The following MBP variants were observed in gnomAD, a reference collection of about 807,000 sequenced individuals.
MBP encodes the protein Golli-MBP.
A neutral mutation model predicts 35.8 loss-of-function variants in MBP; 16 were observed. That is an observed-to-expected ratio of 0.45 (90% CI 0.30 to 0.68). MBP has a LOEUF of 0.68. Among genes scored for constraint, MBP ranks in the 30% least tolerant of loss-of-function variants. MBP has a pLI of 0.08. For synonymous variants in MBP, 143 were observed against 159.6 expected (o/e 0.90, Z 0.78); for missense variants, 380 against 404.7 (o/e 0.94, Z 0.52).
intron 3 of MBP, among the ~76,000 whole-genome samples, chr18:77,037,335 A>G: frequency 6.6e-6 from 1 of 151,788 alleles, no homozygotes; most frequent in South Asian, 2.1e-4. Flanking sequence ...CATTTTGGAG[A>G]CAGAGCTGAG....
At chr18:77,015,164 T>G in intron 4 of MBP, 2 of 985,002 alleles carry the variant, frequency 2.0e-6, no homozygotes, top group Non-Finnish European at 2.4e-6. Flanking sequence ...TATCAATGCT[T>G]TCACCATTTT....
chr18:77,124,280 A>G (rs1188012643), intron 1 of MBP, among the ~76,000 whole-genome samples: 1 of 152,206 alleles, frequency 6.6e-6, no homozygotes, highest in East Asian at 1.9e-4. Flanking sequence ...GTAAAATTAA[A>G]CAGGTAATTT....
chr18:76,997,876 G>A (rs1344909058), intron 4 of MBP, among the ~76,000 whole-genome samples: 3 of 151,962 alleles, frequency 2.0e-5, no homozygotes, highest in Non-Finnish European at 2.9e-5. Flanking sequence ...TAGAGACGGG[G>A]TTTCACTGTG....
intron 4 of MBP, among the ~76,000 whole-genome samples, chr18:76,997,872 C>G (rs181708473): frequency 3.3e-5 from 5 of 151,958 alleles, no homozygotes; most frequent in East Asian, 3.9e-4. Flanking sequence ...TTAGTAGAGA[C>G]GGGGTTTCAC....
intron 4 of MBP, chr18:77,009,788 GAGCTCAGGAAACGGCAGGTC>G (rs1971228208): frequency 1.4e-6 from 2 of 1,425,402 alleles, no homozygotes; most frequent in African/African-American, 2.9e-5. Context: ...CAGTGGCTGA[GAGCTCAGGAAACGGCAGGTC>G]ACCCCTGGCC....
In MBP at chr18:77,102,212, G is replaced by T. The variant is rs1002588816; in HGVS notation, c.51+2999C>A. On this transcript the variant is annotated intron_variant, in intron 2 of 8. Transcript: ENST00000355994. The surrounding 1 kb of genome is among the most constrained non-coding windows in gnomAD (Gnocchi z 4.4). ...CCGGGCAGTGGGGCAGAGGCAGTGT[G>T]TGGGGTAGACCGGGCAGCCCCCACC... is the stretch of plus-strand genomic sequence containing the variant. 3.3e-5 allele frequency among the ~76,000 whole-genome samples: 5 copies of T among 152,168 alleles called. No homozygotes were observed. The highest frequency in any genetic ancestry group is 1.2e-4 in the African/African-American group (5 of 41,430).
chr18:77,043,039 T>C (rs1054458593), intron 3 of MBP, among the ~76,000 whole-genome samples: 1 of 152,212 alleles, frequency 6.6e-6, no homozygotes, highest in African/African-American at 2.4e-5. Context: ...TAGATATACA[T>C]AGTTTTAGAA....
chr18:77,098,168 C>CTTTTTTTTTTTTTTTTTTTTTTTTT (rs3214873), intron 2 of MBP, among the ~76,000 whole-genome samples: 2 of 108,546 alleles, frequency 1.8e-5, no homozygotes, highest in East Asian at 3.2e-4. Context: ...CAAGGACTTC[C>CTTTTTTTTTTTTTTTTTTTTTTTTT]TTTTTTTTTT....
At position 77,016,959 on chromosome 18, in the gene MBP, G is replaced by T; in HGVS notation, c.449C>A (p.Ala150Asp). ...GGCATGGTCCATGGTACTTGCTGTG[G>T]CCAGGTACTTGGATCCGTGCCTCTG... The part of the protein sequence containing the change: ...PSQRHGSKYL[A>D]TASTMDHARH... Residue 150 changes from alanine (A) to aspartate (D), a missense_variant, in exon 4 of 9, where the codon GCC becomes GAC. Transcript: ENST00000355994. The T allele has an allele frequency of 2.5e-6, 4 of 1,614,108 alleles. No individual in the cohort carries two copies. The highest frequency in any genetic ancestry group is 2.5e-6 in the Non-Finnish European group (3 of 1,180,006).
At chr18:77,014,954 GT>G (rs1971546516) in intron 4 of MBP, 2 of 984,524 alleles carry the variant, frequency 2.0e-6, no homozygotes, top group South Asian at 4.7e-5. Context: ...TTTTGAAAGT[GT>G]TTTGATTTTT....
chr18:77,061,640 G>A lies in MBP; in HGVS notation c.139+4658C>T, dbSNP rs369876899. ...CTGGGCAGCTCAGAGTGAAACGGGC[G>A]GCTCCCTGCAGCCATTGTCACATGG... On this transcript the variant is annotated intron_variant, in intron 3 of 8. Coordinates refer to ENST00000355994, the MANE Select transcript of MBP (RefSeq NM_001025101.2). Among the ~76,000 whole-genome samples the A allele has an allele frequency of 7.2e-5, 11 of 152,290 alleles. No homozygotes were observed. The East Asian group carries it at 7.7e-4, about 11-fold the overall frequency.
chr18:77,104,786 C>T (rs1290954322), intron 2 of MBP, among the ~76,000 whole-genome samples: 3 of 152,292 alleles, frequency 2.0e-5, no homozygotes, highest in Non-Finnish European at 4.4e-5. Flanking sequence ...TTTACAATCT[C>T]TTTCCTCTCT....
At chr18:77,029,672 C>T (rs1972466755) in intron 3 of MBP, among the ~76,000 whole-genome samples, 1 of 152,076 alleles carries the variant, frequency 6.6e-6, no homozygotes, top group South Asian at 2.1e-4. Context: ...CACATTTTTA[C>T]CTTGGCTTTA....
At chr18:76,992,612 G>A (rs1415777854) in intron 4 of MBP, among the ~76,000 whole-genome samples, 1 of 152,174 alleles carries the variant, frequency 6.6e-6, no homozygotes, top group Non-Finnish European at 1.5e-5. Flanking sequence ...AACGTGGTGA[G>A]GCTTCCTGTC....
At chr18:77,066,659 T>C in intron 2 of MBP, 1 of 651,770 alleles carries the variant, frequency 1.5e-6, no homozygotes, top group Admixed American at 1.8e-5. Context: ...CTAGGTAAAA[T>C]AAATTAGCTA....
At chr18:77,062,748 T>C (rs538555343) in intron 3 of MBP, among the ~76,000 whole-genome samples, 2 of 152,310 alleles carry the variant, frequency 1.3e-5, no homozygotes, top group Non-Finnish European at 2.9e-5. Context: ...ACCATAGCAA[T>C]AGCACCTGTG....
At chr18:77,130,046 CAAAAAA>C (rs35240388) in intron 1 of MBP, among the ~76,000 whole-genome samples, 2 of 129,340 alleles carry the variant, frequency 1.5e-5, no homozygotes, top group African/African-American at 3.1e-5. Flanking sequence ...AAGACTCTGT[CAAAAAA>C]AAAAAAAAGA....
At chr18:76,998,939 G>A (rs774097521) in intron 4 of MBP, among the ~76,000 whole-genome samples, 1 of 151,942 alleles carries the variant, frequency 6.6e-6, no homozygotes, top group Non-Finnish European at 1.5e-5. Flanking sequence ...ATAGATGCAA[G>A]GTGTCAGCGG....
chr18:76,990,363 G>A (rs991573510), intron 4 of MBP, among the ~76,000 whole-genome samples: 8 of 151,956 alleles, frequency 5.3e-5, no homozygotes, highest in African/African-American at 1.9e-4. Context: ...TGCATTGCTC[G>A]GTGGGTGGAA....
Sources: allele counts gnomAD v4.1 joint callset (sites outside exome capture counted in the v4.1 genomes callset), GRCh38; gene constraint gnomAD v4.1.1; non-coding constraint Gnocchi (gnomAD v3.1); transcripts MANE v1.5; gene names NCBI Gene and HGNC (gene_info 2026-07-23, HGNC 2026-07-21).